GPHN: variants seen among roughly 807,000 people sequenced by gnomAD.
GPHN encodes the protein gephyrin.
A neutral mutation model predicts 95.5 loss-of-function variants in GPHN; 17 were observed. The ratio of observed to expected loss-of-function variants is 0.18; its 90% CI spans 0.12 to 0.27. GPHN has a LOEUF of 0.27. GPHN is among the 10% of genes least tolerant of loss of function. The pLI is 1.00. For missense variants in GPHN, 660 were observed against 978.1 expected, an observed-to-expected ratio of 0.67 and a Z score of 4.34; for synonymous variants, 320 against 322.5, an observed-to-expected ratio of 0.99 and a Z score of 0.08.
At chr14:67,441,208 G>A in the GPHN span, among the ~76,000 whole-genome samples, 7 of 152,278 alleles carry the variant, frequency 4.6e-5, no homozygotes, top group East Asian at 1.9e-4. Context: ...GTCCAAGTTC[G>A]TGCTTCTCTG....
In GPHN at chr14:66,558,790, G is replaced by A. The variant is rs181239770; in HGVS notation, c.64+50199G>A. ...TTAGGGTACCTGTGCACAATGTGCA[G>A]GTTAGTTACATATGTATACATGTGC... On this transcript the variant is annotated intron_variant, in intron 1 of 22. Transcript: ENST00000478722. 7.4e-3 allele frequency among the ~76,000 whole-genome samples: 1,117 copies of A among 151,848 alleles called. 12 individuals are homozygous for A. Among genetic ancestry groups the A allele is most frequent in the Non-Finnish European group, 7.7e-3 (525 of 67,942 alleles).
the GPHN span, chr14:67,579,901 T>A: frequency 6.3e-7 from 1 of 1,576,028 alleles, no homozygotes. Flanking sequence ...CTAAGCCAGC[T>A]GAGCCCCTCC....
chr14:67,045,185 T>TA (rs963719363), intron 10 of GPHN, among the ~76,000 whole-genome samples: 5 of 152,184 alleles, frequency 3.3e-5, no homozygotes, highest in Non-Finnish European at 4.4e-5. Flanking sequence ...CCCCGTGTCC[T>TA]AAAGGACCCA....
the GPHN span, among the ~76,000 whole-genome samples, chr14:67,222,317 C>T: frequency 1.0e-3 from 157 of 152,202 alleles, no homozygotes; most frequent in African/African-American, 3.5e-3. Context: ...TTTTGTGAGG[C>T]GTAGTCTCTG....
chr14:67,431,676 A>AGT, the GPHN span, among the ~76,000 whole-genome samples: 1 of 152,150 alleles, frequency 6.6e-6, no homozygotes, highest in Non-Finnish European at 1.5e-5. Flanking sequence ...GGGGTGACAG[A>AGT]GTGAGACCCC....
the GPHN span, chr14:67,323,579 A>T: frequency 7.5e-6 from 2 of 267,286 alleles, no homozygotes; most frequent in Admixed American, 5.4e-5. Flanking sequence ...ACACCACTGC[A>T]CTCTAGCCTA....
chr14:67,393,235 A>T, the GPHN span: 10 of 1,612,380 alleles, frequency 6.2e-6, no homozygotes, highest in African/African-American at 1.3e-4. Flanking sequence ...TCTTGTCCAC[A>T]ATGCGACTAC....
chr14:67,403,775 G>C, the GPHN span, among the ~76,000 whole-genome samples: 7 of 152,212 alleles, frequency 4.6e-5, no homozygotes, highest in Admixed American at 4.6e-4. Flanking sequence ...TATGAGGCTG[G>C]GTGCAGTGGC....
chr14:66,870,031 T>A (rs2063370806), intron 4 of GPHN, among the ~76,000 whole-genome samples: 1 of 152,206 alleles, frequency 6.6e-6, no homozygotes, highest in African/African-American at 2.4e-5. Context: ...CTATTGTTAT[T>A]GCCCTTAACT....
chr14:66,616,959 G>T (rs898366987), intron 1 of GPHN, among the ~76,000 whole-genome samples: 1 of 152,148 alleles, frequency 6.6e-6, no homozygotes, highest in Non-Finnish European at 1.5e-5. Context: ...GCCTGCCTCG[G>T]CCTCCCAAAG....
At chr14:67,474,271 A>AAAG in the GPHN span, among the ~76,000 whole-genome samples, 1 of 151,694 alleles carries the variant, frequency 6.6e-6, no homozygotes, top group East Asian at 1.9e-4. Context: ...AAAACAAAAA[A>AAAG]AAAACAGAGC....
intron 1 of GPHN, among the ~76,000 whole-genome samples, chr14:66,602,212 C>A (rs1220228941): frequency 1.3e-5 from 2 of 151,842 alleles, no homozygotes; most frequent in Admixed American, 1.3e-4. Flanking sequence ...GATCAGTGTT[C>A]TTCCATTCTA....
chr14:67,303,928 C>G, the GPHN span: 62 of 228,032 alleles, frequency 2.7e-4, no homozygotes, highest in East Asian at 6.6e-3. Flanking sequence ...CCACCACACC[C>G]AGCTGATTTT....
At chr14:66,866,962 G>A (rs1451911676) in intron 4 of GPHN, among the ~76,000 whole-genome samples, 1 of 152,036 alleles carries the variant, frequency 6.6e-6, no homozygotes, top group Non-Finnish European at 1.5e-5. Flanking sequence ...CCTGCAGTAT[G>A]TAAATTTGTA....
chr14:67,674,501 C>G, the GPHN span: 1 of 1,583,194 alleles, frequency 6.3e-7, no homozygotes, highest in Non-Finnish European at 8.6e-7. Context: ...GCGCAGGCCG[C>G]GCTGGAGCAG....
At chr14:67,029,339 CTT>C (rs71446327) in intron 10 of GPHN, among the ~76,000 whole-genome samples, 16 of 139,098 alleles carry the variant, frequency 1.2e-4, no homozygotes, top group East Asian at 2.1e-4. Flanking sequence ...TATCATTATT[CTT>C]TTTTTTTTTT....
chr14:67,284,180 A>C, the GPHN span, among the ~76,000 whole-genome samples: 1 of 152,122 alleles, frequency 6.6e-6, no homozygotes, highest in African/African-American at 2.4e-5. Context: ...GTAGTCCATA[A>C]AATTTGTGGA....
At position 66,607,272 on chromosome 14, in the gene GPHN, T is replaced by C. The variant is rs2062579180; in HGVS notation, c.65-73835T>C. On this transcript the variant is annotated intron_variant, in intron 1 of 22. Coordinates refer to ENST00000478722, the MANE Select transcript of GPHN (RefSeq NM_020806.5). ...GATTCTGTTTATGTGGTGAATCACA[T>C]TTATTGATGTGCATATGTTGAACCA... Among the ~76,000 whole-genome samples, 4 of 152,178 alleles carry C rather than the reference T, an allele frequency of 2.6e-5. 1 individual carries two copies. The highest frequency in any genetic ancestry group is 5.9e-5 in the Non-Finnish European group (4 of 68,026).
chr14:66,997,700 C>T (rs2071914453), intron 9 of GPHN, among the ~76,000 whole-genome samples: 1 of 152,126 alleles, frequency 6.6e-6, no homozygotes, highest in South Asian at 2.1e-4. Context: ...TTTATTGAGT[C>T]AATAGAATTG....
Sources: allele counts gnomAD v4.1 joint callset (sites outside exome capture counted in the v4.1 genomes callset), GRCh38; gene constraint gnomAD v4.1.1; transcripts MANE v1.5; gene names NCBI Gene and HGNC (gene_info 2026-07-23, HGNC 2026-07-21).